Variants in SNTG1 observed in about 807,000 individuals in gnomAD.
SNTG1 encodes gamma-1-syntrophin.
SNTG1 carries 39 observed loss-of-function variants against 74.7 expected under a neutral mutation model. That is an observed-to-expected ratio of 0.52 (90% CI 0.40 to 0.68). The LOEUF (loss-of-function observed/expected upper bound fraction) is 0.68. SNTG1 is among the 30% of genes least tolerant of loss of function. The pLI, the probability that SNTG1 is intolerant of heterozygous loss-of-function variation, is 0.00. For synonymous variants in SNTG1, 254 were observed against 217.1 expected (o/e 1.17, Z -1.49); for missense variants, 685 against 609.5 (o/e 1.12, Z -1.30).
chr8:49,928,236 CT>C (rs149821539), intron 1 of SNTG1, among the ~76,000 whole-genome samples: 102,617 of 134,966 alleles, frequency 0.76, 36,922 homozygotes, highest in East Asian at 0.89. Context: ...TTTTTTGTTT[CT>C]TTTTTTTTGA....
chr8:50,118,989 T>G lies in SNTG1; in HGVS notation c.-102-53572T>G, dbSNP rs552016412. Among the ~76,000 whole-genome samples the G allele has an allele frequency of 3.6e-5, 5 of 140,590 alleles. 2 individuals carry two copies. Among genetic ancestry groups the G allele is most frequent in the African/African-American group, 5.1e-5 (2 of 38,876 alleles). 92.2% of individuals were successfully genotyped at this position (140,590 alleles called of 152,430 possible). A position where few individuals can be genotyped will look rare whatever the true frequency, so the allele number is the denominator to read the frequency against. On this transcript the variant is annotated intron_variant, in intron 1 of 18. Transcript: ENST00000642720. The stretch of plus-strand genomic sequence containing the variant: ...ACTACCTCAAGAAAATACGGCAGGA[T>G]GCACTGGCTCACAGAAACTAATGAA...
rs894463329 is a variant in SNTG1 at position 50,724,298 on chromosome 8, G to A, written c.1284+15320G>A. ...TTTTAAGTAAGGAATCTCTGTTTGG[G>A]AAAGGGGTGGGTGTCGGAGACATAT... On this transcript the variant is annotated intron_variant, in intron 17 of 18. Transcript: ENST00000642720. Among the ~76,000 whole-genome samples the A allele has an allele frequency of 5.9e-5, 9 of 152,142 alleles. 1 individual carries two copies. Among genetic ancestry groups the A allele is most frequent in the Non-Finnish European group, 1.2e-4 (8 of 68,020 alleles).
At chr8:50,287,678 C>A (rs959406544) in intron 2 of SNTG1, among the ~76,000 whole-genome samples, 18 of 152,158 alleles carry the variant, frequency 1.2e-4, no homozygotes, top group African/African-American at 4.1e-4. Context: ...ACAATTACCA[C>A]CACTGGATCC....
intron 1 of SNTG1, among the ~76,000 whole-genome samples, chr8:49,912,577 G>C (rs117828661): frequency 0.014 from 2,094 of 152,270 alleles, 51 homozygotes; most frequent in African/African-American, 0.046. Context: ...GATCCTGTCT[G>C]TGTTACATAG....
intron 8 of SNTG1, among the ~76,000 whole-genome samples, chr8:50,479,850 G>T (rs1162442004): frequency 6.6e-6 from 1 of 152,094 alleles, no homozygotes; most frequent in Non-Finnish European, 1.5e-5. Flanking sequence ...CTATTGACTA[G>T]ATCCTGACAA....
intron 11 of SNTG1, among the ~76,000 whole-genome samples, chr8:50,539,511 C>T (rs374576921): frequency 1.3e-5 from 2 of 152,040 alleles, no homozygotes; most frequent in Non-Finnish European, 2.9e-5. Flanking sequence ...AGGAGGTGGA[C>T]GGATAGGTGA....
At position 50,670,614 on chromosome 8, in the gene SNTG1, T is replaced by A. The variant is rs909049188; in HGVS notation, c.1038+11951T>A. On this transcript the variant is annotated intron_variant, in intron 15 of 18. Transcript: ENST00000642720. ...ATCAATATCATGAAAATGGCCATAC[T>A]GCCCAAGGTAATTTATAGATTCAAT... is the stretch of plus-strand genomic sequence containing the variant. Among the ~76,000 whole-genome samples the A allele has an allele frequency of 1.9e-4, 27 of 143,502 alleles. 2 individuals carry two copies. The highest frequency in any genetic ancestry group is 5.3e-4 in the African/African-American group (20 of 37,860). The allele number at this position is 143,502 out of a possible 152,430, so 94.1% of individuals were successfully genotyped here. A position where few individuals can be genotyped will look rare whatever the true frequency, so the allele number is the denominator to read the frequency against.
chr8:50,795,741 A>G lies in SNTG1; in HGVS notation c.*2912A>G, dbSNP rs1368353905. Reference sequence around the variant, plus strand: ...AATGTCTTTTGCCTGATAAAGAATAACAATTCATCTAAGTCGAAGTATATT... The same window carrying G: ...AATGTCTTTTGCCTGATAAAGAATAGCAATTCATCTAAGTCGAAGTATATT... On this transcript the variant is annotated 3_prime_UTR_variant, in exon 19 of 19. Transcript: ENST00000642720. 6.6e-6 allele frequency: 1 copy of G among 152,110 alleles called. No homozygotes were observed. The highest frequency in any genetic ancestry group is 6.6e-5 in the Admixed American group (1 of 15,240). The allele number at this position is 152,110 out of a possible 1,614,324, so 9.4% of individuals were successfully genotyped here.
chr8:50,621,580 T>A (rs1408875757), intron 13 of SNTG1, among the ~76,000 whole-genome samples: 1 of 152,202 alleles, frequency 6.6e-6, no homozygotes, highest in Non-Finnish European at 1.5e-5. Flanking sequence ...ATGAAATAAG[T>A]AAGCACTAAT....
At chr8:50,266,372 A>T (rs2087466753) in intron 2 of SNTG1, among the ~76,000 whole-genome samples, 1 of 152,232 alleles carries the variant, frequency 6.6e-6, no homozygotes, top group Non-Finnish European at 1.5e-5. Flanking sequence ...TGAAACAACT[A>T]GTTATACGTA....
At chr8:50,082,621 T>G (rs1822514246) in intron 1 of SNTG1, among the ~76,000 whole-genome samples, 2 of 152,148 alleles carry the variant, frequency 1.3e-5, no homozygotes, top group Admixed American at 1.3e-4. Context: ...AAACTTCCTA[T>G]TCCCTGATGA....
chr8:50,428,081 C>A (rs2131504631), intron 4 of SNTG1, among the ~76,000 whole-genome samples: 1 of 152,208 alleles, frequency 6.6e-6, no homozygotes, highest in Admixed American at 6.5e-5. Context: ...CTTTGGGAGG[C>A]AAAGGTGAGA....
chr8:50,442,386 A>G (rs528515819), intron 5 of SNTG1, among the ~76,000 whole-genome samples: 13 of 152,196 alleles, frequency 8.5e-5, no homozygotes, highest in South Asian at 4.2e-4. Context: ...CCTACTTTAG[A>G]GCCTGGAAGG....
intron 2 of SNTG1, among the ~76,000 whole-genome samples, chr8:50,356,243 G>A (rs756584752): frequency 2.6e-5 from 4 of 151,882 alleles, no homozygotes; most frequent in Admixed American, 6.6e-5. Context: ...TTTGCCAAAC[G>A]ACTTGATTCA....
intron 5 of SNTG1, among the ~76,000 whole-genome samples, chr8:50,448,579 T>C (rs1563401051): frequency 6.6e-6 from 1 of 152,228 alleles, no homozygotes. Context: ...TATTCTTTTA[T>C]GTACTGATTT....
At chr8:50,142,483 A>C (rs2081698809) in intron 1 of SNTG1, among the ~76,000 whole-genome samples, 1 of 151,058 alleles carries the variant, frequency 6.6e-6, no homozygotes, top group South Asian at 2.1e-4. Flanking sequence ...GATTATATAT[A>C]TATATATATA....
chr8:50,033,006 T>A (rs1241678441), intron 1 of SNTG1, among the ~76,000 whole-genome samples: 5 of 152,034 alleles, frequency 3.3e-5, no homozygotes, highest in Non-Finnish European at 7.4e-5. Flanking sequence ...TTTTCCTCTT[T>A]CAGTTTTTTT....
chr8:50,279,484 G>A (rs1470463672), intron 2 of SNTG1, among the ~76,000 whole-genome samples: 1 of 152,046 alleles, frequency 6.6e-6, no homozygotes, highest in African/African-American at 2.4e-5. Context: ...TTTCAACTAA[G>A]GCTATCTTGT....
At chr8:50,566,611 C>T (rs1192333824) in intron 12 of SNTG1, among the ~76,000 whole-genome samples, 1 of 151,862 alleles carries the variant, frequency 6.6e-6, no homozygotes, top group South Asian at 2.1e-4. Context: ...TACAAGCAAC[C>T]AGTATTAAAA....
Sources: allele counts gnomAD v4.1 joint callset (sites outside exome capture counted in the v4.1 genomes callset), GRCh38; gene constraint gnomAD v4.1.1; transcripts MANE v1.5; gene names NCBI Gene and HGNC (gene_info 2026-07-23, HGNC 2026-07-21).